Variants in DYNC1I1 observed in about 807,000 individuals in gnomAD.
DYNC1I1 encodes the protein dynein cytoplasmic 1 intermediate chain 1.
DYNC1I1 carries 43 observed loss-of-function variants against 86.6 expected under a neutral mutation model. The observed-to-expected ratio is 0.50, with a 90% CI of 0.39 to 0.64. The LOEUF is 0.64. Ranked by LOEUF, DYNC1I1 falls within the 30% of genes least tolerant of loss-of-function variation. DYNC1I1 has a pLI of 0.00. For missense variants in DYNC1I1, 604 were observed against 788.8 expected (o/e 0.77, Z 2.81); for synonymous variants, 262 against 283.7 (o/e 0.92, Z 0.77).
At chr7:95,970,368 G>A (rs1793133979) in intron 6 of DYNC1I1, among the ~76,000 whole-genome samples, 1 of 152,082 alleles carries the variant, frequency 6.6e-6, no homozygotes, top group African/African-American at 2.4e-5. Flanking sequence ...ATCAGAATTT[G>A]ACTCTTGTGT....
At chr7:95,933,900 T>A (rs1791969903) in intron 6 of DYNC1I1, among the ~76,000 whole-genome samples, 1 of 152,062 alleles carries the variant, frequency 6.6e-6, no homozygotes, top group African/African-American at 2.4e-5. Context: ...ACCCGACACT[T>A]AGAGCTCCCT....
chr7:96,087,655 A>C (rs1790721185), intron 16 of DYNC1I1, among the ~76,000 whole-genome samples: 1 of 152,228 alleles, frequency 6.6e-6, no homozygotes, highest in South Asian at 2.1e-4. Context: ...CATCCAGATA[A>C]AATGTGAAAA....
chr7:96,094,074 A>G lies in DYNC1I1; in HGVS notation c.1777-3409A>G, dbSNP rs534609810. Among the ~76,000 whole-genome samples the G allele has an allele frequency of 6.6e-5, 10 of 152,288 alleles. No homozygotes were observed. In the East Asian group the frequency reaches 1.9e-3, roughly 29 times the overall value. On this transcript the variant is annotated intron_variant, in intron 16 of 16. Coordinates refer to ENST00000447467, the MANE Select transcript of DYNC1I1 (RefSeq NM_001135556.2). ...TAAATTTTAGGCTATTCACTTTTTA[A>G]TGTCAGTGAAGTTTTTTTAATGCCA...
chr7:96,067,157 A>G (rs1001275056), intron 14 of DYNC1I1, among the ~76,000 whole-genome samples: 6 of 152,316 alleles, frequency 3.9e-5, no homozygotes, highest in South Asian at 2.1e-4. Flanking sequence ...AGTTTTAGCT[A>G]TCACCGGCAT....
At chr7:95,940,941 G>A (rs1473062429) in intron 6 of DYNC1I1, among the ~76,000 whole-genome samples, 1 of 152,098 alleles carries the variant, frequency 6.6e-6, no homozygotes, top group Non-Finnish European at 1.5e-5. Flanking sequence ...ATCTACTTTT[G>A]GTCTTTGATG....
intron 14 of DYNC1I1, among the ~76,000 whole-genome samples, chr7:96,047,277 G>T (rs1053973266): frequency 2.6e-5 from 4 of 152,110 alleles, no homozygotes; most frequent in African/African-American, 9.7e-5. Flanking sequence ...ATTTTGGAGG[G>T]ACACAAATAT....
chr7:95,775,781 T>C (rs1293182903), intron 1 of DYNC1I1, among the ~76,000 whole-genome samples: 1 of 152,250 alleles, frequency 6.6e-6, no homozygotes, highest in East Asian at 1.9e-4. Flanking sequence ...TAGAAATCTT[T>C]GTGGCTTCTG....
chr7:95,871,998 A>G (rs988877002), intron 6 of DYNC1I1, among the ~76,000 whole-genome samples: 1 of 152,236 alleles, frequency 6.6e-6, no homozygotes, highest in Non-Finnish European at 1.5e-5. Context: ...ATTTGGGTTC[A>G]GCAAACTGCC....
chr7:95,866,315 TGACCACACGTGCTTG>T (rs1367278317), intron 5 of DYNC1I1, among the ~76,000 whole-genome samples: 1 of 152,220 alleles, frequency 6.6e-6, no homozygotes, highest in Non-Finnish European at 1.5e-5. Flanking sequence ...GCTTCTAAAA[TGACCACACGTGCTTG>T]GACCACTATA....
rs181925981 is a variant in DYNC1I1 at position 95,949,406 on chromosome 7, C to T, written c.491-28106C>T. On this transcript the variant is annotated intron_variant, in intron 6 of 16. Coordinates refer to ENST00000447467, the MANE Select transcript of DYNC1I1 (RefSeq NM_001135556.2). Reference sequence around the variant, plus strand: ...CAGTCAGGAGTGGGTGGAAGTGATGCGTAATTCACCTCTTGGAAACCCCAT... The same window carrying T: ...CAGTCAGGAGTGGGTGGAAGTGATGTGTAATTCACCTCTTGGAAACCCCAT... 1.8e-4 allele frequency among the ~76,000 whole-genome samples: 28 copies of T among 152,278 alleles called. No homozygotes were observed. In the East Asian group the frequency reaches 3.9e-3, roughly 21 times the overall value.
chr7:96,078,940 G>T (rs981709283), intron 15 of DYNC1I1, among the ~76,000 whole-genome samples: 1 of 152,046 alleles, frequency 6.6e-6, no homozygotes, highest in African/African-American at 2.4e-5. Context: ...TAAAAATTCA[G>T]ACTCTAGCTT....
At chr7:95,930,703 G>C (rs17775819) in intron 6 of DYNC1I1, among the ~76,000 whole-genome samples, 35,579 of 152,060 alleles carry the variant, frequency 0.23, 4,761 homozygotes, top group East Asian at 0.68. Flanking sequence ...TTAAAACTAG[G>C]CTGGTTTTCA....
chr7:95,790,499 T>C (rs1312022367), intron 1 of DYNC1I1, among the ~76,000 whole-genome samples: 1 of 152,194 alleles, frequency 6.6e-6, no homozygotes, highest in African/African-American at 2.4e-5. Context: ...AACCTACTTT[T>C]TGGAAACTTT....
rs77432331 is a variant in DYNC1I1, at chr7:95,955,209, G to C, written c.491-22303G>C. On this transcript the variant is annotated intron_variant, in intron 6 of 16. Transcript: ENST00000447467. ...GCTTGGTTTGGTCATTCCACAATAT[G>C]TACTTGTATGAAAATACCATGTTGC... is the stretch of plus-strand genomic sequence containing the variant. Among the ~76,000 whole-genome samples the C allele has an allele frequency of 3.0e-3, 463 of 152,240 alleles. 4 individuals carry two copies. The highest frequency in any genetic ancestry group is 0.011 in the African/African-American group (438 of 41,534).
In DYNC1I1 at chr7:96,035,769, T is replaced by C. The variant is rs763129914; in HGVS notation, c.1364+17T>C. The C allele has an allele frequency of 6.2e-7, 1 of 1,609,930 alleles. No individual in the cohort carries two copies. The highest frequency in any genetic ancestry group is 2.2e-5 in the East Asian group (1 of 44,700). ...TCATGGAAGGTGATTTTTCTGTTTC[T>C]TTACTGATGACATGTTCTTCATTTC... On this transcript the variant is annotated intron_variant, in intron 13 of 16. Transcript: ENST00000447467.
intron 6 of DYNC1I1, among the ~76,000 whole-genome samples, chr7:95,953,558 A>G (rs1429295614): frequency 6.6e-6 from 1 of 152,226 alleles, no homozygotes; most frequent in African/African-American, 2.4e-5. Flanking sequence ...ATTGAATATC[A>G]TACTGCGCTT....
At chr7:96,094,548 T>C (rs1241076666) in intron 16 of DYNC1I1, among the ~76,000 whole-genome samples, 1 of 152,182 alleles carries the variant, frequency 6.6e-6, no homozygotes, top group Non-Finnish European at 1.5e-5. Context: ...TCTTGTTTGT[T>C]AGGACACCTG....
At chr7:95,872,105 G>C (rs1790187692) in intron 6 of DYNC1I1, among the ~76,000 whole-genome samples, 1 of 152,218 alleles carries the variant, frequency 6.6e-6, no homozygotes, top group African/African-American at 2.4e-5. Flanking sequence ...ACCTGCTGTG[G>C]GGAGGTGGTT....
At chr7:95,914,770 G>T (rs558255108) in intron 6 of DYNC1I1, among the ~76,000 whole-genome samples, 7 of 152,276 alleles carry the variant, frequency 4.6e-5, no homozygotes, top group African/African-American at 1.4e-4. Flanking sequence ...TCATTACAGA[G>T]GTCTAGTCTG....
Sources: allele counts gnomAD v4.1 joint callset (sites outside exome capture counted in the v4.1 genomes callset), GRCh38; gene constraint gnomAD v4.1.1; transcripts MANE v1.5; gene names NCBI Gene and HGNC (gene_info 2026-07-23, HGNC 2026-07-21).